Variants in USH2A observed in about 807,000 individuals in gnomAD.
The protein encoded by USH2A is usherin, also known as Usher syndrome 2A (autosomal recessive, mild).
In USH2A, 443 loss-of-function variants were observed where a neutral mutation model predicts 538.9. The observed-to-expected ratio is 0.82, with a 90% CI of 0.76 to 0.89. The LOEUF (loss-of-function observed/expected upper bound fraction) is 0.89. Ranked by LOEUF, USH2A falls within the 40% of genes least tolerant of loss-of-function variation. The pLI is 0.00. For missense variants in USH2A, 6,633 were observed against 6,324.8 expected, an observed-to-expected ratio of 1.05 and a Z score of -1.65; for synonymous variants, 2,413 against 2,273.5, an observed-to-expected ratio of 1.06 and a Z score of -1.75.
intron 60 of USH2A, among the ~76,000 whole-genome samples, chr1:215,732,236 G>A (rs576086465): frequency 1.5e-4 from 23 of 152,162 alleles, no homozygotes; most frequent in Non-Finnish European, 2.6e-4. Flanking sequence ...CAAGTTTTTG[G>A]TGTGAGTAGA....
chr1:215,875,933 A>G (rs866100787), intron 43 of USH2A, among the ~76,000 whole-genome samples: 7 of 145,958 alleles, frequency 4.8e-5, no homozygotes, highest in Non-Finnish European at 7.5e-5. Flanking sequence ...ATTGATTATT[A>G]TATATAATTA....
At chr1:216,279,947 T>C (rs11809065) in intron 11 of USH2A, among the ~76,000 whole-genome samples, 1 of 149,506 alleles carries the variant, frequency 6.7e-6, no homozygotes, top group African/African-American at 2.5e-5. Context: ...TGTGGAGGAG[T>C]GGGGTCAGTG....
At chr1:216,178,601 T>C (rs1394636756) in intron 20 of USH2A, among the ~76,000 whole-genome samples, 1 of 152,136 alleles carries the variant, frequency 6.6e-6, no homozygotes, top group Non-Finnish European at 1.5e-5. Context: ...TGAAATTTGC[T>C]AGATTCCCTA....
intron 16 of USH2A, 150 bp from the exon 17 acceptor site, chr1:216,200,271 G>T (rs2034955876): frequency 4.6e-6 from 4 of 865,028 alleles, no homozygotes; most frequent in Non-Finnish European, 6.9e-6. Context: ...TTTTAAAATT[G>T]AAATAATGTA....
intron 62 of USH2A, among the ~76,000 whole-genome samples, chr1:215,678,752 G>A (rs987825290): frequency 1.3e-5 from 2 of 151,764 alleles, no homozygotes; most frequent in Non-Finnish European, 2.9e-5. Context: ...ACTCACACAC[G>A]GTCTGTAACA....
chr1:216,143,001 C>T (rs932757729), intron 21 of USH2A, among the ~76,000 whole-genome samples: 1 of 152,034 alleles, frequency 6.6e-6, no homozygotes, highest in Non-Finnish European at 1.5e-5. Flanking sequence ...ATCATGTGTC[C>T]CCTCTGCCTT....
chr1:216,229,260 C>T (rs190674071), intron 14 of USH2A, among the ~76,000 whole-genome samples: 6 of 151,890 alleles, frequency 4.0e-5, no homozygotes, highest in African/African-American at 1.4e-4. Flanking sequence ...ATTTTCTAGA[C>T]TCCAACCTGC....
At chr1:215,898,479 C>CTA (rs1665406155) in intron 40 of USH2A, among the ~76,000 whole-genome samples, 1 of 152,140 alleles carries the variant, frequency 6.6e-6, no homozygotes, top group Admixed American at 6.6e-5. Flanking sequence ...ACCTCCCTGC[C>CTA]TATAGATGGC....
rs565342080 is a variant in USH2A at position 216,398,159 on chromosome 1, T to C, written c.651+20355A>G. Among the ~76,000 whole-genome samples, 8 of 152,330 alleles carry C rather than the reference T, an allele frequency of 5.3e-5. No homozygotes were observed. In the South Asian group the frequency reaches 8.3e-4, roughly 16 times the overall value. On this transcript the variant is annotated intron_variant, in intron 3 of 71. Transcript: ENST00000307340. ...TTAAAATGGTAGACAAAGTCCTTTTTATAACACTACATGACTTCTGATCCT... is the reference window on the plus strand; with the variant it reads ...TTAAAATGGTAGACAAAGTCCTTTTCATAACACTACATGACTTCTGATCCT...
chr1:216,341,416 C>T (rs367555334), intron 4 of USH2A, among the ~76,000 whole-genome samples: 56 of 152,218 alleles, frequency 3.7e-4, no homozygotes, highest in African/African-American at 1.2e-3. Context: ...AATGGCCACA[C>T]CACGCAAAGT....
chr1:216,156,298 T>TTTTTTTTTTTTTTTTC (rs1558288823), intron 21 of USH2A, among the ~76,000 whole-genome samples: 1 of 21,804 alleles, frequency 4.6e-5, no homozygotes, highest in Non-Finnish European at 1.1e-4. Flanking sequence ...TTTTTTTCTT[T>TTTTTTTTTTTTTTTTC]TTTTTTTTTT....
chr1:215,771,375 TC>T (rs1176060516), intron 55 of USH2A, among the ~76,000 whole-genome samples: 1 of 150,536 alleles, frequency 6.6e-6, no homozygotes, highest in Non-Finnish European at 1.5e-5. Context: ...GGTCAGGAGA[TC>T]GAGACCATCC....
At chr1:216,270,592 T>G (rs1280289376) in intron 11 of USH2A, among the ~76,000 whole-genome samples, 2 of 152,174 alleles carry the variant, frequency 1.3e-5, no homozygotes, top group African/African-American at 4.8e-5. Flanking sequence ...TTTCTACCAC[T>G]TCTTCTTTCA....
At chr1:216,097,263 C>T in intron 21 of USH2A, 50 bp from the exon 22 acceptor site, 6 of 1,613,370 alleles carry the variant, frequency 3.7e-6, no homozygotes, top group Non-Finnish European at 5.1e-6. Flanking sequence ...TTTGTTGATT[C>T]TTTCTGATAA....
chr1:216,178,080 A>G (rs1288555576), intron 20 of USH2A, among the ~76,000 whole-genome samples: 2 of 152,196 alleles, frequency 1.3e-5, no homozygotes, highest in African/African-American at 4.8e-5. Context: ...AGCAGCTTAG[A>G]ACAATTAGTA....
intron 38 of USH2A, among the ~76,000 whole-genome samples, chr1:215,929,943 G>A (rs1184726900): frequency 6.6e-6 from 1 of 151,876 alleles, no homozygotes; most frequent in South Asian, 2.1e-4. Flanking sequence ...GGGTTCAGGG[G>A]AAGGAGAGAG....
At position 216,209,768 on chromosome 1, in the gene USH2A, G is replaced by A. The variant is rs563402435; in HGVS notation, c.3158-2337C>T. On this transcript the variant is annotated intron_variant, in intron 15 of 71. Transcript: ENST00000307340. ...TGAAGTATTGGTCTTTTATCCAAGG[G>A]TCCTGAAGCAGCTTCAGAACAATTT... is the stretch of plus-strand genomic sequence containing the variant. Among the ~76,000 whole-genome samples the A allele has an allele frequency of 5.3e-5, 8 of 152,252 alleles. No homozygotes were observed. The South Asian group carries it at 1.7e-3, about 32-fold the overall frequency.
chr1:216,204,555 A>G (rs1400127036), intron 16 of USH2A, among the ~76,000 whole-genome samples: 1 of 152,204 alleles, frequency 6.6e-6, no homozygotes, highest in Admixed American at 6.5e-5. Flanking sequence ...ATTCTAAAAA[A>G]GAATTCTATA....
chr1:216,286,747 A>AT (rs993515194), intron 11 of USH2A, among the ~76,000 whole-genome samples: 1 of 151,912 alleles, frequency 6.6e-6, no homozygotes, highest in African/African-American at 2.4e-5. Context: ...AAATAAATAA[A>AT]TAAAAACCTA....
Sources: gnomAD v4.1 joint callset for allele counts (sites outside exome capture counted in the v4.1 genomes callset) on GRCh38, gnomAD v4.1.1 for gene constraint, MANE v1.5 for transcripts, NCBI Gene and HGNC (gene_info 2026-07-23, HGNC 2026-07-21) for gene names.